Variants in MCPH1 observed in about 807,000 individuals in gnomAD.
MCPH1 encodes the protein microcephalin 1.
A neutral mutation model predicts 84.5 loss-of-function variants in MCPH1; 104 were observed. The ratio of observed to expected loss-of-function variants is 1.23; its 90% CI spans 1.05 to 1.45. The LOEUF (loss-of-function observed/expected upper bound fraction) is 1.45. Among genes scored for constraint, MCPH1 ranks in the 40% most tolerant of loss-of-function variants. MCPH1 has a pLI of 0.00. For missense variants in MCPH1, 1,498 were observed against 1,005.7 expected, an observed-to-expected ratio of 1.49 and a Z score of -6.62; for synonymous variants, 514 against 366.8, an observed-to-expected ratio of 1.40 and a Z score of -4.58.
At chr8:6,538,128 C>T (rs560031167) in intron 12 of MCPH1, among the ~76,000 whole-genome samples, 3 of 152,064 alleles carry the variant, frequency 2.0e-5, no homozygotes, top group Non-Finnish European at 2.9e-5. Context: ...CCCAATGATC[C>T]ATCCATCTTC....
At chr8:6,476,311 C>A (rs917542625) in intron 9 of MCPH1, among the ~76,000 whole-genome samples, 1 of 151,736 alleles carries the variant, frequency 6.6e-6, no homozygotes, top group African/African-American at 2.4e-5. Context: ...CGCCTGTGAT[C>A]CCAGCTAGTT....
At chr8:6,577,562 TC>T (rs1827219787) in intron 12 of MCPH1, among the ~76,000 whole-genome samples, 1 of 152,218 alleles carries the variant, frequency 6.6e-6, no homozygotes, top group Non-Finnish European at 1.5e-5. Flanking sequence ...CTTTAGAACT[TC>T]CTTTGGACAG....
intron 12 of MCPH1, among the ~76,000 whole-genome samples, chr8:6,523,307 T>C (rs1416128468): frequency 2.0e-5 from 3 of 152,116 alleles, no homozygotes; most frequent in South Asian, 4.2e-4. Context: ...GAAAAGCTTT[T>C]TAAAAATTAT....
At chr8:6,434,510 C>T (rs1327453368) in intron 4 of MCPH1, among the ~76,000 whole-genome samples, 1 of 152,182 alleles carries the variant, frequency 6.6e-6, no homozygotes, top group Non-Finnish European at 1.5e-5. Context: ...TTGAAATGAA[C>T]CTCCCAAGAC....
chr8:6,432,108 T>C (rs1801924823), intron 4 of MCPH1, among the ~76,000 whole-genome samples: 1 of 152,216 alleles, frequency 6.6e-6, no homozygotes, highest in African/African-American at 2.4e-5. Context: ...TATTTGCATG[T>C]AACCTACACA....
intron 2 of MCPH1, among the ~76,000 whole-genome samples, chr8:6,413,893 T>G (rs1169123501): frequency 6.6e-6 from 1 of 152,074 alleles, no homozygotes; most frequent in Non-Finnish European, 1.5e-5. Flanking sequence ...TTGCTGAGAC[T>G]ACAGGCACGA....
intron 13 of MCPH1, among the ~76,000 whole-genome samples, chr8:6,632,559 C>T (rs1433807287): frequency 1.3e-5 from 2 of 152,138 alleles, no homozygotes; most frequent in South Asian, 2.1e-4. Flanking sequence ...CCTGTAATCC[C>T]AACACTTTGG....
chr8:6,472,779 T>C (rs956528037), intron 9 of MCPH1, among the ~76,000 whole-genome samples: 1 of 152,174 alleles, frequency 6.6e-6, no homozygotes, highest in South Asian at 2.1e-4. Flanking sequence ...CAGACAGTTT[T>C]AAGTACAAAA....
chr8:6,495,995 C>T (rs1419830821), intron 11 of MCPH1, among the ~76,000 whole-genome samples: 2 of 152,088 alleles, frequency 1.3e-5, no homozygotes, highest in African/African-American at 4.8e-5. Flanking sequence ...TTTCCAGGGA[C>T]TTGGGGGTTG....
At position 6,439,021 on chromosome 8, in the gene MCPH1, A is replaced by T. The variant is rs201120541; in HGVS notation, c.505A>T (p.Asn169Tyr). Residue 169 changes from asparagine to tyrosine, a missense_variant, in exon 6 of 14, where the codon AAT (asparagine) becomes TAT (tyrosine). Physicochemically the swap from Asn to Tyr is moderately radical, Grantham distance 143 (BLOSUM62 -2). Coordinates refer to ENST00000344683, the MANE Select transcript of MCPH1 (RefSeq NM_024596.5). ...SLIYTPTIEI[N>Y]SRHHSAMEKR... ...AATATATACTCCCACAATTGAAATT[A>T]ATAGTAGGCACCACAGCGCAATGGA... 18 of 1,612,116 alleles carry T rather than the reference A, an allele frequency of 1.1e-5. No individual in the cohort carries two copies. Among genetic ancestry groups the T allele is most frequent in the Middle Eastern group, 3.3e-4 (2 of 6,056 alleles).
At chr8:6,499,165 C>A (rs1391027373) in intron 11 of MCPH1, among the ~76,000 whole-genome samples, 1 of 152,092 alleles carries the variant, frequency 6.6e-6, no homozygotes. Context: ...TGTATGGAGA[C>A]AGATTTTCAG....
Position 6,627,008 on chromosome 8 carries a change from C to T in MCPH1, c.2452+5317C>T, listed in dbSNP as rs138575382. ...CCAAAAAAAAAAAAAAGTTTAGCCTCCGCCTGATTTTCTTATAACTTATAA... is the reference window on the plus strand; with the variant it reads ...CCAAAAAAAAAAAAAAGTTTAGCCTTCGCCTGATTTTCTTATAACTTATAA... On this transcript the variant is annotated intron_variant, in intron 13 of 13. Coordinates refer to ENST00000344683, the MANE Select transcript of MCPH1 (RefSeq NM_024596.5). 3.0e-4 allele frequency: 291 copies of T among 984,936 alleles called. 1 individual carries two copies. The African/African-American group carries it at 4.4e-3, about 15-fold the overall frequency. 61.0% of individuals were successfully genotyped at this position (984,936 alleles called of 1,614,324 possible).
chr8:6,532,132 A>G (rs779263852), intron 12 of MCPH1, among the ~76,000 whole-genome samples: 1 of 152,214 alleles, frequency 6.6e-6, no homozygotes, highest in Non-Finnish European at 1.5e-5. Flanking sequence ...ATTTAACCTC[A>G]GTATTAAAAA....
At chr8:6,534,215 AT>A (rs1484950317) in intron 12 of MCPH1, among the ~76,000 whole-genome samples, 7 of 152,032 alleles carry the variant, frequency 4.6e-5, no homozygotes, top group South Asian at 2.1e-4. Context: ...TAAAAAAAAA[AT>A]AACAATACAA....
intron 8 of MCPH1, among the ~76,000 whole-genome samples, chr8:6,451,314 C>T (rs1046195601): frequency 6.6e-6 from 1 of 152,138 alleles, no homozygotes; most frequent in Non-Finnish European, 1.5e-5. Flanking sequence ...TTTTATCTGT[C>T]AGATGTTTAC....
At chr8:6,532,573 TTA>T in intron 12 of MCPH1, 3 of 758,396 alleles carry the variant, frequency 4.0e-6, no homozygotes, top group Non-Finnish European at 5.3e-6. Flanking sequence ...CTCCCTATCT[TTA>T]AAAAAAAAAA....
intron 12 of MCPH1, among the ~76,000 whole-genome samples, chr8:6,617,923 C>CTATCTATG (rs1831007370): frequency 2.0e-5 from 3 of 151,584 alleles, no homozygotes; most frequent in Non-Finnish European, 4.4e-5. Context: ...ATCTATCTAT[C>CTATCTATG]TATCTATCTA....
chr8:6,407,203 C>G (rs1420005212), intron 1 of MCPH1: 2 of 167,852 alleles, frequency 1.2e-5, no homozygotes, highest in East Asian at 3.6e-4. Context: ...CCTCTGAGGC[C>G]CACCTGGAGG....
At chr8:6,437,079 C>T (rs548270076) in intron 5 of MCPH1, among the ~76,000 whole-genome samples, 1 of 152,266 alleles carries the variant, frequency 6.6e-6, no homozygotes, top group East Asian at 1.9e-4. Context: ...AATTCTGACA[C>T]AGCATTGCTA....
Sources: gnomAD v4.1 joint callset for allele counts (sites outside exome capture counted in the v4.1 genomes callset) on GRCh38, gnomAD v4.1.1 for gene constraint, MANE v1.5 for transcripts, NCBI Gene and HGNC (gene_info 2026-07-23, HGNC 2026-07-21) for gene names.